Variants in TTC7A observed in about 807,000 individuals in gnomAD.
TTC7A encodes tetratricopeptide repeat domain 7A.
In TTC7A, 110 loss-of-function variants were observed where a neutral mutation model predicts 103.7. The observed-to-expected ratio is 1.06, with a 90% CI of 0.91 to 1.24. The LOEUF is 1.24. Among genes scored for constraint, TTC7A ranks in the 50% most tolerant of loss-of-function variants. TTC7A has a pLI of 0.00. For synonymous variants in TTC7A, 521 were observed against 467.9 expected, an observed-to-expected ratio of 1.11 and a Z score of -1.47; for missense variants, 1,340 against 1,116.3, an observed-to-expected ratio of 1.20 and a Z score of -2.86.
chr2:47,071,890 C>T (rs764864373), intron 19 of TTC7A, among the ~76,000 whole-genome samples: 3 of 152,250 alleles, frequency 2.0e-5, no homozygotes, highest in Non-Finnish European at 4.4e-5. Flanking sequence ...GAAAACTTAA[C>T]GTGTGGAAGC....
At chr2:46,985,403 G>A (rs904565446) in intron 5 of TTC7A, among the ~76,000 whole-genome samples, 1 of 152,218 alleles carries the variant, frequency 6.6e-6, no homozygotes, top group Non-Finnish European at 1.5e-5. Flanking sequence ...CCCTGTGTCT[G>A]TTTCCTGTGG....
chr2:46,939,885 C>T (rs1345821102), upstream of TTC7A, among the ~76,000 whole-genome samples: 1 of 152,204 alleles, frequency 6.6e-6, no homozygotes, highest in East Asian at 1.9e-4. Context: ...TCTCTAAATT[C>T]CAACTGCCAG....
chr2:46,974,781 A>G lies in TTC7A; in HGVS notation c.518-192A>G, dbSNP rs552934880. On this transcript the variant is annotated intron_variant, in intron 3 of 19. Transcript: ENST00000319190. Reference sequence around the variant, plus strand: ...ACTGTGATTCCCCACGTGCTGTCCCATCGCTTACTCCCAGCCACTGCTAAC... The same window carrying G: ...ACTGTGATTCCCCACGTGCTGTCCCGTCGCTTACTCCCAGCCACTGCTAAC... The G allele has an allele frequency of 3.0e-4, 220 of 722,656 alleles. 2 individuals carry two copies. The Middle Eastern group carries it at 5.6e-3, about 18-fold the overall frequency. 44.8% of individuals were successfully genotyped at this position (722,656 alleles called of 1,614,324 possible). A position where few individuals can be genotyped will look rare whatever the true frequency, so the allele number is the denominator to read the frequency against.
intron 8 of TTC7A, chr2:46,999,450 T>C: frequency 1.0e-6 from 1 of 983,536 alleles, no homozygotes; most frequent in African/African-American, 1.7e-5. Flanking sequence ...TTCATCTGTC[T>C]ATCCACCCAC....
chr2:47,073,602 T>G, intron 19 of TTC7A, 100 bp from the exon 20 acceptor site: 1 of 991,348 alleles, frequency 1.0e-6, no homozygotes, highest in Non-Finnish European at 1.6e-6. Flanking sequence ...CCTCTCGAGC[T>G]GATGGCTGCT....
At chr2:47,070,082 A>C (rs565115931) in intron 19 of TTC7A, among the ~76,000 whole-genome samples, 19 of 152,374 alleles carry the variant, frequency 1.2e-4, no homozygotes, top group East Asian at 1.9e-4. Flanking sequence ...AAGGAAGAAG[A>C]AGCATGCACA....
chr2:46,969,223 G>A (rs1364001493), intron 3 of TTC7A, among the ~76,000 whole-genome samples: 2 of 140,810 alleles, frequency 1.4e-5, no homozygotes, highest in Non-Finnish European at 3.1e-5. Context: ...AAAAATCTGG[G>A]CCGGGCACGG....
At chr2:46,961,315 G>T (rs989638269) in intron 3 of TTC7A, among the ~76,000 whole-genome samples, 1 of 152,166 alleles carries the variant, frequency 6.6e-6, no homozygotes, top group East Asian at 1.9e-4. Flanking sequence ...GGTGGCTCAC[G>T]CCTGTAATCC....
At chr2:46,968,293 G>A (rs1315125739) in intron 3 of TTC7A, among the ~76,000 whole-genome samples, 1 of 152,216 alleles carries the variant, frequency 6.6e-6, no homozygotes, top group Non-Finnish European at 1.5e-5. Flanking sequence ...CTTGCCGGTG[G>A]GAATCACAAG....
intron 2 of TTC7A, among the ~76,000 whole-genome samples, chr2:46,923,262 C>A (rs1417208669): frequency 6.6e-6 from 1 of 152,196 alleles, no homozygotes; most frequent in Non-Finnish European, 1.5e-5. Flanking sequence ...TCAACTTAAC[C>A]TTCAGCCCCT....
At chr2:47,061,384 C>T (rs1296233667) in intron 19 of TTC7A, among the ~76,000 whole-genome samples, 2 of 152,208 alleles carry the variant, frequency 1.3e-5, no homozygotes, top group Non-Finnish European at 1.5e-5. Context: ...TCCCCAGACC[C>T]TCCCTGTCTC....
chr2:46,995,424 A>G (rs769692901), intron 8 of TTC7A, among the ~76,000 whole-genome samples: 35 of 152,358 alleles, frequency 2.3e-4, no homozygotes, highest in East Asian at 1.3e-3. Flanking sequence ...TCTGCCCCCA[A>G]ATAAGTAGAG....
At chr2:47,031,639 G>A (rs1014940688) in intron 15 of TTC7A, among the ~76,000 whole-genome samples, 4 of 152,238 alleles carry the variant, frequency 2.6e-5, no homozygotes, top group Non-Finnish European at 2.9e-5. Flanking sequence ...TGTGATGCAG[G>A]CGGGAGCACC....
Position 46,935,203 on chromosome 2 carries a change from A to T in TTC7A, c.83-15160A>T, listed in dbSNP as rs890172994. Among the ~76,000 whole-genome samples the T allele has an allele frequency of 3.9e-5, 6 of 152,084 alleles. No individual in the cohort carries two copies. In the East Asian group the frequency reaches 9.6e-4, roughly 24 times the overall value. On this transcript the variant is annotated intron_variant, in intron 2 of 20. Transcript: ENST00000409245. Reference sequence around the variant, plus strand: ...TTGTCCCTGCTGGAAAAGAGCTGTGAAGGGGTCAGGCGTGTGTGGAGGAAC... The same window carrying T: ...TTGTCCCTGCTGGAAAAGAGCTGTGTAGGGGTCAGGCGTGTGTGGAGGAAC...
chr2:46,937,288 G>A (rs1016431709), upstream of TTC7A, among the ~76,000 whole-genome samples: 5 of 151,800 alleles, frequency 3.3e-5, no homozygotes, highest in African/African-American at 1.2e-4. This position sits in a 1 kb window ranked among gnomAD's most constrained non-coding sequence, Gnocchi z 4.0. Context: ...CCTACCCTAT[G>A]CTCCTCCATC....
At chr2:47,041,658 C>G (rs1485395734) in intron 15 of TTC7A, among the ~76,000 whole-genome samples, 1 of 151,084 alleles carries the variant, frequency 6.6e-6, no homozygotes, top group African/African-American at 2.4e-5. Flanking sequence ...GAGGCTGAGG[C>G]AGGAGAATTG....
rs113261858 is a variant in TTC7A, at chr2:47,021,903, C to T, written c.1434C>T (p.Leu478=). 8.1e-6 allele frequency: 13 copies of T among 1,614,050 alleles called. No homozygotes were observed. Among genetic ancestry groups the T allele is most frequent in the South Asian group, 4.4e-5 (4 of 91,086 alleles). The change falls in exon 12 of 20, where the codon CTC becomes CTT. Residue 478 remains leucine (L), a synonymous_variant. Coordinates refer to ENST00000319190, the MANE Select transcript of TTC7A (RefSeq NM_020458.4). ...ACTTTGCCATGATGGTGATCAGCCT[C>T]GGAGAGGAAGCCGGGGAGTTCCTCC... ...AEHFAMMVIS[L]GEEAGEFLPK... is the part of the protein sequence containing the mutation.
intron 19 of TTC7A, chr2:47,065,723 C>T (rs1261093700): frequency 6.6e-6 from 1 of 152,234 alleles, no homozygotes; most frequent in African/African-American, 2.4e-5. Context: ...CTTCAGCAGC[C>T]CCTGAAGAAG....
At chr2:46,995,789 A>G (rs570353175) in intron 8 of TTC7A, among the ~76,000 whole-genome samples, 2 of 152,388 alleles carry the variant, frequency 1.3e-5, no homozygotes, top group African/African-American at 2.4e-5. Context: ...TCTAGACACC[A>G]GAGATGCCGC....
Sources: allele counts gnomAD v4.1 joint callset (sites outside exome capture counted in the v4.1 genomes callset), GRCh38; gene constraint gnomAD v4.1.1; non-coding constraint Gnocchi (gnomAD v3.1); transcripts MANE v1.5; gene names NCBI Gene and HGNC (gene_info 2026-07-23, HGNC 2026-07-21).